FBF1: variants seen among roughly 807,000 people sequenced by gnomAD.
The protein encoded by FBF1 is fas-binding factor 1.
A neutral mutation model predicts 147.2 loss-of-function variants in FBF1; 119 were observed. The ratio of observed to expected loss-of-function variants is 0.81; its 90% confidence interval spans 0.70 to 0.94. The LOEUF (loss-of-function observed/expected upper bound fraction) is 0.94, where lower values mean the gene tolerates loss of function less well. Among genes scored for constraint, FBF1 ranks in the 40% least tolerant of loss-of-function variants. The pLI is 0.00. For missense variants in FBF1, 1,449 were observed against 1,500.8 expected (o/e 0.97, Z 0.57); for synonymous variants, 601 against 609.0 (o/e 0.99, Z 0.19).
intron 23 of FBF1, among the ~76,000 whole-genome samples, chr17:75,916,059 C>T (rs2065487380): frequency 6.6e-6 from 1 of 151,226 alleles, no homozygotes; most frequent in Non-Finnish European, 1.5e-5. Context: ...GTGGCTCACG[C>T]CTGTAATCCC....
rs371075704 is a variant in FBF1 at position 75,918,016 on chromosome 17, C to G, written c.2301G>C (p.Glu767Asp). The G allele has an allele frequency of 6.2e-7, 1 of 1,612,524 alleles. No individual in the cohort carries two copies. The highest frequency in any genetic ancestry group is 8.5e-7 in the Non-Finnish European group (1 of 1,179,100). The change falls in exon 22 of 30, where the codon GAG becomes GAC. Residue 767 changes from glutamate (E) to aspartate (D), a missense_variant. Glu to Asp is a conservative substitution (Grantham distance 45). Coordinates refer to ENST00000636174, the MANE Select transcript of FBF1 (RefSeq NM_001319193.2). The surrounding 1 kb of genome is among the most constrained non-coding windows in gnomAD (Gnocchi z 5.8). ...GCGAGGCCTCCACGCGGGAGGACAA[C>G]TCGTGCAGGCTGCTGGAGAACTTCT... ...QMEKFSSSLH[E>D]LSSRVEASHL...
chr17:75,920,831 G>T lies in FBF1; in HGVS notation c.1675-402C>A, dbSNP rs77265364. Among the ~76,000 whole-genome samples, 3 of 32,198 alleles carry T rather than the reference G, an allele frequency of 9.3e-5. No homozygotes were observed. In the South Asian group the frequency reaches 1.9e-3, roughly 21 times the overall value. 21.1% of individuals were successfully genotyped at this position (32,198 alleles called of 152,430 possible). Reference sequence around the variant, plus strand: ...CACCATCTCCCAGGGACACACTCCTGGGGGGGGGGGGGGCACACCTCCCAG... The same window carrying T: ...CACCATCTCCCAGGGACACACTCCTTGGGGGGGGGGGGGCACACCTCCCAG... On this transcript the variant is annotated intron_variant, in intron 17 of 29. Coordinates refer to ENST00000636174, the MANE Select transcript of FBF1 (RefSeq NM_001319193.2).
At chr17:75,932,294 T>C (rs1276774715) in intron 5 of FBF1, among the ~76,000 whole-genome samples, 1 of 152,060 alleles carries the variant, frequency 6.6e-6, no homozygotes, top group Non-Finnish European at 1.5e-5. Flanking sequence ...GGAGAACTGC[T>C]GGAACCTGGG....
At position 75,910,037 on chromosome 17, in the gene FBF1, G is replaced by C; in HGVS notation, c.*686C>G. 1 of 654,132 alleles carries C rather than the reference G, an allele frequency of 1.5e-6. No homozygotes were observed. The allele number at this position is 654,132 out of a possible 1,614,324, so 40.5% of individuals were successfully genotyped here. On this transcript the variant is annotated 3_prime_UTR_variant, in exon 30 of 30. Coordinates refer to ENST00000636174, the MANE Select transcript of FBF1 (RefSeq NM_001319193.2). This position sits in a 1 kb window ranked among gnomAD's most constrained non-coding sequence, Gnocchi z 4.1. ...CTCCCCACACCCCACCATCGCCACA[G>C]CTCCCTCCGCCGCCGGTGGGGCACC...
At chr17:75,938,261 A>T in intron 1 of FBF1, 29 bp from the exon 2 acceptor site, 1 of 1,508,812 alleles carries the variant, frequency 6.6e-7, no homozygotes, top group African/African-American at 1.4e-5. Context: ...GTGGTTGCTT[A>T]AAAATGATGT....
rs1043638963 is a variant in FBF1, at chr17:75,922,755, CAA to C, written c.1424+429_1424+430del. Among the ~76,000 whole-genome samples, 1 of 152,218 alleles carries C rather than the reference CAA, an allele frequency of 6.6e-6. No individual in the cohort carries two copies. The highest frequency in any genetic ancestry group is 1.5e-5 in the Non-Finnish European group (1 of 68,040). On this transcript the variant is annotated intron_variant, in intron 14 of 29. Coordinates refer to ENST00000636174, the MANE Select transcript of FBF1 (RefSeq NM_001319193.2). This position sits in a 1 kb window ranked among gnomAD's most constrained non-coding sequence, Gnocchi z 5.0. ...GCCACTATGTCTCCTCTAACACTCTCAAAGAGCACAGGGACATCTCAGCTCAC... is the reference window on the plus strand; with the variant it reads ...GCCACTATGTCTCCTCTAACACTCTCAGAGCACAGGGACATCTCAGCTCAC...
At position 75,920,111 on chromosome 17, in the gene FBF1, G is replaced by C. The variant is rs768919688; in HGVS notation, c.1831-4C>G. On this transcript the variant is annotated splice_polypyrimidine_tract_variant and splice_region_variant and intron_variant, in intron 18 of 29. Transcript: ENST00000636174. Reference sequence around the variant, plus strand: ...GTTCTAGCTCCAGCTTCCGCACCTGGGAGACAGCAGGAGGGCCAGCAACCA... The same window carrying C: ...GTTCTAGCTCCAGCTTCCGCACCTGCGAGACAGCAGGAGGGCCAGCAACCA... 2 of 1,580,914 alleles carry C rather than the reference G, an allele frequency of 1.3e-6. No individual in the cohort carries two copies. The highest frequency in any genetic ancestry group is 1.1e-5 in the South Asian group (1 of 87,538).
In FBF1 at chr17:75,926,068, C is replaced by T; in HGVS notation, c.830G>A (p.Arg277Lys). 6.2e-7 allele frequency: 1 copy of T among 1,612,574 alleles called. No individual in the cohort carries two copies. The highest frequency in any genetic ancestry group is 8.5e-7 in the Non-Finnish European group (1 of 1,179,836). The change falls in exon 12 of 30, where the codon AGG becomes AAG. Residue 277 changes from arginine to lysine, a missense_variant. Physicochemically the swap from Arg to Lys is conservative, Grantham distance 26. Coordinates refer to ENST00000636174, the MANE Select transcript of FBF1 (RefSeq NM_001319193.2). ...GTACTTCTTGTCTAGCTTGAACTCCCTGTGCTCCCCGGTGCCCGGGCGGGC... is the reference window on the plus strand; with the variant it reads ...GTACTTCTTGTCTAGCTTGAACTCCTTGTGCTCCCCGGTGCCCGGGCGGGC... ...LLARPGTGEH[R>K]EFKLDKKYQR...
In FBF1 at chr17:75,926,731, A is replaced by G. The variant is rs376077429; in HGVS notation, c.595+27T>C. On this transcript the variant is annotated intron_variant, in intron 10 of 29. Coordinates refer to ENST00000636174, the MANE Select transcript of FBF1 (RefSeq NM_001319193.2). ...GTTGCCAATAAACTCTTCCTCCAGG[A>G]TGGGAAATGAGCCCACTCCACCCTA... is the stretch of plus-strand genomic sequence containing the variant. 80 of 1,601,648 alleles carry G rather than the reference A, an allele frequency of 5.0e-5. 1 individual carries two copies. Among genetic ancestry groups the G allele is most frequent in the Middle Eastern group, 1.7e-4 (1 of 5,940 alleles).
chr17:75,937,930 A>G, intron 2 of FBF1: 1 of 670,410 alleles, frequency 1.5e-6, no homozygotes, highest in Non-Finnish European at 2.6e-6. Context: ...AGTGACAGAC[A>G]CTTAAAAACG....
At chr17:75,940,250 T>C (rs1229011853) in intron 1 of FBF1, among the ~76,000 whole-genome samples, 1 of 150,902 alleles carries the variant, frequency 6.6e-6, no homozygotes, top group East Asian at 1.9e-4. Flanking sequence ...CTTCTTTCTT[T>C]TTTTTTTTTC....
Position 75,938,218 on chromosome 17 carries a change from T to C in FBF1, c.-69A>G. 1 of 1,606,934 alleles carries C rather than the reference T, an allele frequency of 6.2e-7. No individual in the cohort carries two copies. The highest frequency in any genetic ancestry group is 8.5e-7 in the Non-Finnish European group (1 of 1,174,930). On this transcript the variant is annotated 5_prime_UTR_variant, in exon 2 of 30. The change abolishes an upstream ATG in the 5' untranslated region. Coordinates refer to ENST00000636174, the MANE Select transcript of FBF1 (RefSeq NM_001319193.2). ...CCAGCTCATCTGGATTCTGCCCACATCAGGCTCATACTCCCTAATGAAGAA... is the reference window on the plus strand; with the variant it reads ...CCAGCTCATCTGGATTCTGCCCACACCAGGCTCATACTCCCTAATGAAGAA...
rs1044546956 is a variant in FBF1, at chr17:75,921,958, G to A, written c.1513C>T (p.Pro505Ser). 3 of 1,550,980 alleles carry A rather than the reference G, an allele frequency of 1.9e-6. No individual in the cohort carries two copies. Among genetic ancestry groups the A allele is most frequent in the African/African-American group, 2.7e-5 (2 of 73,040 alleles). Residue 505 changes from proline to serine, a missense_variant, in exon 15 of 30, where the codon CCT becomes TCT. Transcript: ENST00000636174. ...GCCCAGGCCTACCCCGAGACACCAGGCCTGACACACGGTCTTTCTCGTGCA... is the reference window on the plus strand; with the variant it reads ...GCCCAGGCCTACCCCGAGACACCAGACCTGACACACGGTCTTTCTCGTGCA... ...TTARERPCVR[P>S]GVSGSPVTQN...
chr17:75,933,932 G>A (rs1461251096), intron 4 of FBF1, among the ~76,000 whole-genome samples: 1 of 152,150 alleles, frequency 6.6e-6, no homozygotes, highest in Non-Finnish European at 1.5e-5. Flanking sequence ...GGATGTAGAG[G>A]AACTAGAGCC....
chr17:75,922,473 T>C lies in FBF1; in HGVS notation c.1425-427A>G, dbSNP rs1202067368. On this transcript the variant is annotated intron_variant, in intron 14 of 29. Coordinates refer to ENST00000636174, the MANE Select transcript of FBF1 (RefSeq NM_001319193.2). The surrounding 1 kb of genome is among the most constrained non-coding windows in gnomAD (Gnocchi z 5.0). Reference sequence around the variant, plus strand: ...CACGGGTCAGTGAAGAGACAGGCTCTTTTCTGTTTTGGCCTGAGCTTTCCC... The same window carrying C: ...CACGGGTCAGTGAAGAGACAGGCTCCTTTCTGTTTTGGCCTGAGCTTTCCC... 6.6e-6 allele frequency among the ~76,000 whole-genome samples: 1 copy of C among 152,162 alleles called. No individual in the cohort carries two copies. Among genetic ancestry groups the C allele is most frequent in the Non-Finnish European group, 1.5e-5 (1 of 68,028 alleles).
rs566782632 is a variant in FBF1 at position 75,919,408 on chromosome 17, AGGC to A, written c.2138+257_2138+259del. ...ATGACCCTGTGCTTAGTTAGACCCT[AGGC>A]GGCTTGCTGCTGCCATGCCATGCCT... On this transcript the variant is annotated intron_variant, in intron 20 of 29. Coordinates refer to ENST00000636174, the MANE Select transcript of FBF1 (RefSeq NM_001319193.2). This position sits in a 1 kb window ranked among gnomAD's most constrained non-coding sequence, Gnocchi z 5.0. Among the ~76,000 whole-genome samples the A allele has an allele frequency of 3.8e-3, 574 of 152,300 alleles. 2 individuals carry two copies. Among genetic ancestry groups the A allele is most frequent in the Middle Eastern group, 0.01 (3 of 294 alleles).
rs1206860241 is a variant in FBF1 at position 75,918,524 on chromosome 17, C to T, written c.2139-255G>A. Among the ~76,000 whole-genome samples, 1 of 152,140 alleles carries T rather than the reference C, an allele frequency of 6.6e-6. No individual in the cohort carries two copies. The highest frequency in any genetic ancestry group is 1.5e-5 in the Non-Finnish European group (1 of 68,030). On this transcript the variant is annotated intron_variant, in intron 20 of 29. Transcript: ENST00000636174. This position sits in a 1 kb window ranked among gnomAD's most constrained non-coding sequence, Gnocchi z 5.8. ...GGAGTTTTGCTCTGTCACCCAGAGTCTCTCACTCTGTCGCCCAGGCTGGAG... is the reference window on the plus strand; with the variant it reads ...GGAGTTTTGCTCTGTCACCCAGAGTTTCTCACTCTGTCGCCCAGGCTGGAG...
intron 29 of FBF1, 81 bp downstream of exon 29, chr17:75,912,111 T>G (rs2065459660): frequency 1.0e-5 from 14 of 1,376,748 alleles, no homozygotes; most frequent in Non-Finnish European, 1.2e-5. Context: ...TCCCCAGGGC[T>G]ACCATGTGCT....
In FBF1 at chr17:75,912,264, C is replaced by A. The variant is rs564017380; in HGVS notation, c.3291G>T (p.Pro1097=). 9 of 1,609,086 alleles carry A rather than the reference C, an allele frequency of 5.6e-6. No individual in the cohort carries two copies. The African/African-American group carries it at 1.2e-4, about 22-fold the overall frequency. Residue 1097 remains proline (P), a synonymous_variant, in exon 29 of 30, where the codon CCG becomes CCT. Coordinates refer to ENST00000636174, the MANE Select transcript of FBF1 (RefSeq NM_001319193.2). ...PAPTTRWCSQ[P]PTGLDPSPLH... ...AGGGGCTGGGGTCCAGGCCAGTTGG[C>A]GGCTGGCTGCACCAACGGGTGGTGG...
Sources: gnomAD v4.1 joint callset for allele counts (sites outside exome capture counted in the v4.1 genomes callset) on GRCh38, gnomAD v4.1.1 for gene constraint, Gnocchi (gnomAD v3.1) non-coding constraint, MANE v1.5 for transcripts, NCBI Gene and HGNC (gene_info 2026-07-23, HGNC 2026-07-21) for gene names.